Variants in CSMD1 observed in about 807,000 individuals in gnomAD.
The protein encoded by CSMD1 is CUB and sushi domain-containing protein 1.
A neutral mutation model predicts 417.5 loss-of-function variants in CSMD1; 213 were observed. The ratio of observed to expected loss-of-function variants is 0.51; its 90% CI spans 0.46 to 0.57. The LOEUF (loss-of-function observed/expected upper bound fraction) is 0.57, where lower values mean the gene tolerates loss of function less well. Among genes scored for constraint, CSMD1 ranks in the 20% least tolerant of loss-of-function variants. The probability of loss-of-function intolerance (pLI) is 0.00; values close to 1 mark genes in which losing one functional copy is unlikely to be tolerated. For synonymous variants in CSMD1, 2,862 were observed against 1,736.8 expected (o/e 1.65, Z -16.11); for missense variants, 6,923 against 4,529.7 (o/e 1.53, Z -15.17).
chr8:3,222,577 G>A (rs1265237367), intron 28 of CSMD1, among the ~76,000 whole-genome samples: 1 of 152,114 alleles, frequency 6.6e-6, no homozygotes, highest in Non-Finnish European at 1.5e-5. Context: ...CTGAAATGCT[G>A]GGATTACAGT....
chr8:4,392,028 G>A (rs78874426), intron 3 of CSMD1, among the ~76,000 whole-genome samples: 3,852 of 152,294 alleles, frequency 0.025, 69 homozygotes, highest in Non-Finnish European at 0.041. Context: ...GGGTAAGTGA[G>A]TCCCAGGGTT....
intron 10 of CSMD1, among the ~76,000 whole-genome samples, chr8:3,542,647 G>C (rs1230581062): frequency 1.3e-5 from 2 of 152,144 alleles, no homozygotes; most frequent in African/African-American, 2.4e-5. Context: ...AGGTAACACA[G>C]GACAGTTCAG....
intron 5 of CSMD1, among the ~76,000 whole-genome samples, chr8:3,973,673 G>C (rs889383006): frequency 2.6e-5 from 4 of 152,120 alleles, no homozygotes; most frequent in Non-Finnish European, 4.4e-5. Flanking sequence ...CAGTATCCTT[G>C]GTACTGGCAA....
intron 1 of CSMD1, among the ~76,000 whole-genome samples, chr8:4,943,567 C>T (rs912818237): frequency 6.6e-6 from 1 of 151,804 alleles, no homozygotes; most frequent in African/African-American, 2.4e-5. Context: ...TAACCAATTA[C>T]CTTTATAAAT....
intron 5 of CSMD1, among the ~76,000 whole-genome samples, chr8:3,901,623 C>T (rs116126478): frequency 6.6e-6 from 1 of 152,118 alleles, no homozygotes; most frequent in African/African-American, 2.4e-5. Flanking sequence ...CTGAAAACCA[C>T]CGAAGTAAAA....
intron 1 of CSMD1, among the ~76,000 whole-genome samples, chr8:4,672,631 T>C (rs983615586): frequency 6.6e-6 from 1 of 151,954 alleles, no homozygotes; most frequent in East Asian, 1.9e-4. Flanking sequence ...TTAAAAAGAA[T>C]AAAATAACAA....
intron 8 of CSMD1, among the ~76,000 whole-genome samples, chr8:3,599,778 C>G (rs1378052293): frequency 6.6e-6 from 1 of 152,212 alleles, no homozygotes; most frequent in Non-Finnish European, 1.5e-5. Context: ...TCCCGCTTGG[C>G]ATGGGCAACT....
chr8:4,854,469 G>A lies in CSMD1; in HGVS notation c.85+139863C>T, dbSNP rs528969610. On this transcript the variant is annotated intron_variant, in intron 1 of 69. Transcript: ENST00000635120. The stretch of plus-strand genomic sequence containing the variant: ...AGCTCCCACTGTGAGCGACGCAGAA[G>A]ACGGGTGATTTCTGTATTTCCATCT... Among the ~76,000 whole-genome samples the A allele has an allele frequency of 5.9e-5, 9 of 152,310 alleles. No homozygotes were observed. The South Asian group carries it at 1.7e-3, about 28-fold the overall frequency.
chr8:4,742,281 C>A (rs890345879), intron 1 of CSMD1, among the ~76,000 whole-genome samples: 1 of 151,586 alleles, frequency 6.6e-6, no homozygotes, highest in Admixed American at 6.6e-5. Context: ...CCACCCGCCT[C>A]GGCCTCCCAA....
At chr8:3,729,940 A>G (rs1429280921) in intron 6 of CSMD1, among the ~76,000 whole-genome samples, 1 of 81,250 alleles carries the variant, frequency 1.2e-5, no homozygotes, top group Non-Finnish European at 2.6e-5. Context: ...AAAAAAAAAA[A>G]AAAAAAAAAA....
chr8:3,399,349 C>T (rs780161342), intron 16 of CSMD1, 42 bp downstream of exon 16: 2 of 1,534,384 alleles, frequency 1.3e-6, no homozygotes, highest in South Asian at 1.3e-5. Context: ...ATGGAAGAGA[C>T]ACACACCATT....
At chr8:3,526,152 T>C (rs1198381058) in intron 10 of CSMD1, among the ~76,000 whole-genome samples, 2 of 152,198 alleles carry the variant, frequency 1.3e-5, no homozygotes, top group African/African-American at 2.4e-5. Flanking sequence ...CAAGTTTCAA[T>C]TAATTCAGAA....
At chr8:4,457,039 G>C (rs762150041) in intron 2 of CSMD1, among the ~76,000 whole-genome samples, 25 of 151,068 alleles carry the variant, frequency 1.7e-4, no homozygotes, top group African/African-American at 5.1e-4. Context: ...CTGATTCCTG[G>C]AGCATCTCAG....
At position 4,379,484 on chromosome 8, in the gene CSMD1, T is replaced by A. The variant is rs80286653; in HGVS notation, c.415+40469A>T. On this transcript the variant is annotated intron_variant, in intron 3 of 69. Transcript: ENST00000635120. ...CATTAATGTCTTCAGTTTTGACAAT[T>A]GCATTCTGGTTAATGTTAGCACTGG... Among the ~76,000 whole-genome samples the A allele has an allele frequency of 3.4e-3, 521 of 152,318 alleles. 24 individuals carry two copies. The East Asian group carries it at 0.094, about 27-fold the overall frequency.
At chr8:3,227,911 G>T (rs1354183230) in intron 27 of CSMD1, among the ~76,000 whole-genome samples, 1 of 151,930 alleles carries the variant, frequency 6.6e-6, no homozygotes, top group Non-Finnish European at 1.5e-5. Context: ...GGGATCACAG[G>T]CATGCACCAC....
At chr8:4,305,538 A>C (rs1177646187) in intron 3 of CSMD1, among the ~76,000 whole-genome samples, 4 of 152,238 alleles carry the variant, frequency 2.6e-5, no homozygotes, top group Non-Finnish European at 1.5e-5. Context: ...ACAACTTCCC[A>C]GTATTGCTGT....
chr8:4,305,352 C>G (rs573256226), intron 3 of CSMD1, among the ~76,000 whole-genome samples: 29 of 152,080 alleles, frequency 1.9e-4, no homozygotes, highest in Admixed American at 1.7e-3. Context: ...GAGACCCGAA[C>G]TGGAATCTAA....
Position 3,710,105 on chromosome 8 carries a change from A to G in CSMD1, c.932-1614T>C, listed in dbSNP as rs1801422409. 4.7e-5 allele frequency among the ~76,000 whole-genome samples: 7 copies of G among 148,588 alleles called. No homozygotes were observed. The South Asian group carries it at 1.6e-3, about 33-fold the overall frequency. On this transcript the variant is annotated intron_variant, in intron 6 of 69. Coordinates refer to ENST00000635120, the MANE Select transcript of CSMD1 (RefSeq NM_033225.6). ...ACTCATATCTACATATATTTTACGC[A>G]TTCATGACACACCTTTTTGGATTTT...
intron 3 of CSMD1, among the ~76,000 whole-genome samples, chr8:4,102,490 G>A (rs1347135468): frequency 2.6e-5 from 4 of 152,078 alleles, no homozygotes; most frequent in Non-Finnish European, 5.9e-5. Flanking sequence ...TCACTTGAGG[G>A]GCAGAATTCT....
Sources: allele counts gnomAD v4.1 joint callset (sites outside exome capture counted in the v4.1 genomes callset), GRCh38; gene constraint gnomAD v4.1.1; transcripts MANE v1.5; gene names NCBI Gene and HGNC (gene_info 2026-07-23, HGNC 2026-07-21).